Variants in METTL15 observed in about 807,000 individuals in gnomAD.
The protein encoded by METTL15 is methyltransferase 15, mitochondrial 12S rRNA N4-cytidine, also known as 12S rRNA N(4)-cytidine methyltransferase METTL15.
In METTL15, 34 loss-of-function variants were observed where a neutral mutation model predicts 38.3. The observed-to-expected ratio is 0.89, with a 90% CI of 0.68 to 1.18. The LOEUF (loss-of-function observed/expected upper bound fraction) is 1.18, where lower values mean the gene tolerates loss of function less well. Among genes scored for constraint, METTL15 ranks in the 50% most tolerant of loss-of-function variants. The pLI, the probability that METTL15 is intolerant of heterozygous loss-of-function variation, is 0.00. For missense variants in METTL15, 438 were observed against 498.4 expected (o/e 0.88, Z 1.15); for synonymous variants, 162 against 170.9 (o/e 0.95, Z 0.41).
intron 6 of METTL15, among the ~76,000 whole-genome samples, chr11:28,449,590 G>A (rs924598193): frequency 1.3e-5 from 2 of 152,020 alleles, no homozygotes; most frequent in South Asian, 2.1e-4. Context: ...TTCTTTGATC[G>A]TCTTCTCATA....
intron 6 of METTL15, among the ~76,000 whole-genome samples, chr11:28,318,928 A>G (rs1849363629): frequency 6.6e-6 from 1 of 152,212 alleles, no homozygotes; most frequent in South Asian, 2.1e-4. Flanking sequence ...CAGATGAAAA[A>G]GAGACAAATG....
intron 4 of METTL15, among the ~76,000 whole-genome samples, chr11:28,256,771 AGTT>A (rs1854989872): frequency 6.6e-6 from 1 of 151,824 alleles, no homozygotes; most frequent in Non-Finnish European, 1.5e-5. Flanking sequence ...ATGCTTTTCT[AGTT>A]CTCTAAGATT....
chr11:28,390,902 C>A (rs1015620753), intron 5 of METTL15, among the ~76,000 whole-genome samples: 35 of 152,102 alleles, frequency 2.3e-4, no homozygotes, highest in African/African-American at 8.5e-4. Flanking sequence ...TGTTTTATTT[C>A]ATTGAGCAGT....
intron 6 of METTL15, among the ~76,000 whole-genome samples, chr11:28,456,098 T>C (rs1851166131): frequency 6.6e-6 from 1 of 152,122 alleles, no homozygotes; most frequent in African/African-American, 2.4e-5. Context: ...CTCAAACTCC[T>C]GAGCTCAAGT....
chr11:28,153,997 A>G (rs1490250600), intron 3 of METTL15, among the ~76,000 whole-genome samples: 2 of 152,142 alleles, frequency 1.3e-5, no homozygotes, highest in Non-Finnish European at 2.9e-5. Flanking sequence ...GTAAATTTCT[A>G]AATATCAATT....
At chr11:28,508,167 T>G (rs965521152) in intron 6 of METTL15, among the ~76,000 whole-genome samples, 8 of 152,154 alleles carry the variant, frequency 5.3e-5, no homozygotes, top group African/African-American at 1.9e-4. Flanking sequence ...CATCAGCCAG[T>G]CCCTCTTCAG....
At chr11:28,199,745 CTTT>C (rs796080440) in intron 3 of METTL15, among the ~76,000 whole-genome samples, 1 of 142,350 alleles carries the variant, frequency 7.0e-6, no homozygotes, top group Non-Finnish European at 1.5e-5. Context: ...ATTAAGTTGA[CTTT>C]TTTTTTTTTT....
intron 6 of METTL15, among the ~76,000 whole-genome samples, chr11:28,319,323 AAGATG>A (rs1333886407): frequency 1.3e-5 from 2 of 152,168 alleles, no homozygotes; most frequent in Non-Finnish European, 2.9e-5. Context: ...GATCAGGAAA[AAGATG>A]AGATGGCTTG....
At chr11:28,303,268 A>G (rs945311728) in intron 6 of METTL15, among the ~76,000 whole-genome samples, 8 of 152,152 alleles carry the variant, frequency 5.3e-5, no homozygotes, top group Admixed American at 3.9e-4. Flanking sequence ...TCTAGACCTC[A>G]TCTTTCTCAT....
intron 5 of METTL15, among the ~76,000 whole-genome samples, chr11:28,372,412 T>G (rs977398508): frequency 3.3e-5 from 5 of 151,258 alleles, no homozygotes; most frequent in African/African-American, 1.2e-4. Context: ...CGATGTTCAT[T>G]AGTACATTGG....
rs556909889 is a variant in METTL15, at chr11:28,399,022, G to T, written c.*359-25277G>T. ...ACTAAGCAAAAAGAACAAAGCTGAA[G>T]GCATCACACTACCTGACTTCAAACT... On this transcript the variant is annotated intron_variant and NMD_transcript_variant, in intron 5 of 7. Transcript: ENST00000532947. The T allele has an allele frequency of 2.0e-5, 3 of 152,072 alleles. No individual in the cohort carries two copies. In the South Asian group the frequency reaches 6.2e-4, roughly 32 times the overall value. The allele number at this position is 152,072 out of a possible 1,614,324, so 9.4% of individuals were successfully genotyped here. A position where few individuals can be genotyped will look rare whatever the true frequency, so the allele number is the denominator to read the frequency against.
intron 5 of METTL15, among the ~76,000 whole-genome samples, chr11:28,393,784 A>G (rs1218162346): frequency 2.6e-5 from 4 of 152,062 alleles, no homozygotes; most frequent in Admixed American, 6.6e-5. Flanking sequence ...TCACTGTAGG[A>G]AGAGACTATA....
intron 3 of METTL15, among the ~76,000 whole-genome samples, chr11:28,209,098 T>C (rs949565337): frequency 1.3e-5 from 2 of 152,024 alleles, no homozygotes; most frequent in Middle Eastern, 3.2e-3. Context: ...CATGATACAT[T>C]AAAAATAATC....
chr11:28,376,515 T>G (rs968755320), intron 5 of METTL15, among the ~76,000 whole-genome samples: 1 of 152,196 alleles, frequency 6.6e-6, no homozygotes. Context: ...TTCCATTTGC[T>G]TGGTAGATCT....
At chr11:28,310,414 G>A (rs1446382331) in intron 6 of METTL15, among the ~76,000 whole-genome samples, 2 of 151,742 alleles carry the variant, frequency 1.3e-5, no homozygotes, top group Non-Finnish European at 2.9e-5. Context: ...ACCCAGGCGT[G>A]CAAAGAATGC....
intron 5 of METTL15, among the ~76,000 whole-genome samples, chr11:28,413,126 GT>G (rs1188643984): frequency 1.3e-5 from 2 of 151,698 alleles, no homozygotes; most frequent in Admixed American, 6.6e-5. Flanking sequence ...TAAATAAGTG[GT>G]TTTCCATCTT....
intron 6 of METTL15, among the ~76,000 whole-genome samples, chr11:28,487,591 A>G (rs1488030817): frequency 2.6e-5 from 4 of 152,138 alleles, no homozygotes; most frequent in Non-Finnish European, 5.9e-5. Flanking sequence ...TTCTCCTATA[A>G]TAAAGTCTCA....
chr11:28,473,962 A>G (rs1484954989), intron 6 of METTL15, among the ~76,000 whole-genome samples: 5 of 151,800 alleles, frequency 3.3e-5, no homozygotes, highest in African/African-American at 9.7e-5. Context: ...GGCAGAATTG[A>G]TATTTCCTCT....
At chr11:28,434,299 C>G (rs1179244290) in intron 6 of METTL15, among the ~76,000 whole-genome samples, 4 of 152,192 alleles carry the variant, frequency 2.6e-5, no homozygotes, top group African/African-American at 9.7e-5. Flanking sequence ...GCCTGCCCAG[C>G]CATGCTGAAC....
Sources: allele counts gnomAD v4.1 joint callset (sites outside exome capture counted in the v4.1 genomes callset), GRCh38; gene constraint gnomAD v4.1.1; transcripts MANE v1.5; gene names NCBI Gene and HGNC (gene_info 2026-07-23, HGNC 2026-07-21).